Variants in SNX15 observed in about 807,000 individuals in gnomAD.
The protein encoded by SNX15 is sorting nexin-15.
SNX15 carries 29 observed loss-of-function variants against 35.2 expected under a neutral mutation model. That is an observed-to-expected ratio of 0.82 (90% CI 0.61 to 1.12). The LOEUF (loss-of-function observed/expected upper bound fraction) is 1.12. SNX15 is among the 50% of genes most tolerant of loss of function. The pLI is 0.00. For missense variants in SNX15, 400 were observed against 451.5 expected (o/e 0.89, Z 1.03); for synonymous variants, 189 against 188.2 (o/e 1.00, Z -0.03).
intron 7 of SNX15, 52 bp from the exon 8 acceptor site, chr11:65,039,634 T>TG: frequency 8.0e-7 from 1 of 1,247,486 alleles, no homozygotes; most frequent in Non-Finnish European, 1.2e-6. Context: ...CCAGGGGTTC[T>TG]GACCAGGCCA....
At chr11:65,038,170 ATTCTAAGATTAT>A (rs371443823) in intron 6 of SNX15, 1 of 674,378 alleles carries the variant, frequency 1.5e-6, no homozygotes, top group African/African-American at 1.9e-5. Context: ...TAAGTCTCCT[ATTCTAAGATTAT>A]TCCAAGTCTT....
Position 65,039,898 on chromosome 11 carries a change from T to C in SNX15, c.*106T>C. On this transcript the variant is annotated 3_prime_UTR_variant, in exon 8 of 8. Coordinates refer to ENST00000377244, the MANE Select transcript of SNX15 (RefSeq NM_013306.5). ...CTGGTCTTGTAATTACAGGAGCCAT[T>C]TCTGTAGGTAACTGGACCAAGAATG... 1.5e-6 allele frequency: 1 copy of C among 669,316 alleles called. No homozygotes were observed. Among genetic ancestry groups the C allele is most frequent in the Non-Finnish European group, 2.6e-6 (1 of 381,252 alleles). 41.5% of individuals were successfully genotyped at this position (669,316 alleles called of 1,614,324 possible). A position where few individuals can be genotyped will look rare whatever the true frequency, so the allele number is the denominator to read the frequency against.
At chr11:65,035,737 T>C (rs1946495105) in intron 6 of SNX15, 74 bp downstream of exon 6, 1 of 1,478,488 alleles carries the variant, frequency 6.8e-7, no homozygotes, top group Non-Finnish European at 9.1e-7. Flanking sequence ...AGAGCCCCAC[T>C]AGCCTGCTCA....
At chr11:65,033,723 GAC>G (rs1946467592) in intron 3 of SNX15, among the ~76,000 whole-genome samples, 1 of 151,672 alleles carries the variant, frequency 6.6e-6, no homozygotes, top group Non-Finnish European at 1.5e-5. Context: ...TGTTTTTTGA[GAC>G]AGAGTCTCAC....
intron 1 of SNX15, among the ~76,000 whole-genome samples, chr11:65,031,747 T>C (rs1439144674): frequency 1.3e-5 from 2 of 152,178 alleles, no homozygotes; most frequent in African/African-American, 4.8e-5. Context: ...CTACTAAAAA[T>C]ACAAACATTA....
intron 1 of SNX15, among the ~76,000 whole-genome samples, chr11:65,028,263 G>A (rs1946397463): frequency 6.6e-6 from 1 of 152,184 alleles, no homozygotes; most frequent in South Asian, 2.1e-4. Context: ...CAGGACACCT[G>A]TAGAATGATA....
rs1946385664 is a variant in SNX15, at chr11:65,027,552, G to A, written c.15G>A (p.Ala5=). MSRQ[A]KDDFLRHYTV... is the part of the protein sequence containing the mutation. ...AGCTCGGTTTCATGTCCCGCCAGGC[G>A]AAGGATGACTTCCTGCGGCACTACA... The change falls in exon 1 of 8, where the codon GCG becomes GCA. Residue 5 remains alanine, a synonymous_variant. Coordinates refer to ENST00000377244, the MANE Select transcript of SNX15 (RefSeq NM_013306.5). The A allele has an allele frequency of 1.2e-6, 2 of 1,613,966 alleles. No homozygotes were observed. Among genetic ancestry groups the A allele is most frequent in the East Asian group, 2.2e-5 (1 of 44,886 alleles).
chr11:65,031,269 C>T (rs1946436798), intron 1 of SNX15, among the ~76,000 whole-genome samples: 1 of 152,210 alleles, frequency 6.6e-6, no homozygotes, highest in Admixed American at 6.5e-5. Flanking sequence ...AGTGCTCTGC[C>T]CACCTGGGCC....
intron 6 of SNX15, chr11:65,035,911 A>C: frequency 5.0e-6 from 2 of 398,028 alleles, no homozygotes. Context: ...GGCACTTCCC[A>C]TGTTGGGGCC....
Position 65,040,195 on chromosome 11 carries a change from G to T in SNX15, c.*403G>T, listed in dbSNP as rs549474647. 1.2e-3 allele frequency: 204 copies of T among 169,688 alleles called. No homozygotes were observed. Among genetic ancestry groups the T allele is most frequent in the Non-Finnish European group, 2.2e-3 (167 of 77,432 alleles). 10.5% of individuals were successfully genotyped at this position (169,688 alleles called of 1,614,324 possible). ...ATTTTGTATTTTCAGTAGGGACGGG[G>T]TTACACCATGTTGGCCAGGCTGGTC... On this transcript the variant is annotated 3_prime_UTR_variant, in exon 8 of 8. Coordinates refer to ENST00000377244, the MANE Select transcript of SNX15 (RefSeq NM_013306.5).
chr11:65,039,645 G>T, intron 7 of SNX15, 41 bp from the exon 8 acceptor site: 1 of 1,387,306 alleles, frequency 7.2e-7, no homozygotes, highest in Non-Finnish European at 1.0e-6. Context: ...GACCAGGCCA[G>T]TGGTGCCCAG....
rs1946492068 is a variant in SNX15 at position 65,035,557 on chromosome 11, G to A, written c.558G>A (p.Leu186=). Residue 186 remains leucine, a synonymous_variant, in exon 6 of 8, where the codon CTG becomes CTA. Transcript: ENST00000377244. The part of the protein sequence containing the change: ...PPPSSPAQEA[L]DLLFNCESTE... Reference sequence around the variant, plus strand: ...CATCCAGCCCTGCCCAGGAGGCCCTGGATCTCCTCTTTAACTGTGAGAGCA... The same window carrying A: ...CATCCAGCCCTGCCCAGGAGGCCCTAGATCTCCTCTTTAACTGTGAGAGCA... The A allele has an allele frequency of 6.2e-7, 1 of 1,613,636 alleles. No homozygotes were observed. The highest frequency in any genetic ancestry group is 8.5e-7 in the Non-Finnish European group (1 of 1,179,750).
At chr11:65,034,363 G>A (rs1946475232) in intron 3 of SNX15, among the ~76,000 whole-genome samples, 1 of 152,216 alleles carries the variant, frequency 6.6e-6, no homozygotes, top group Non-Finnish European at 1.5e-5. Flanking sequence ...AGAGGTTGCA[G>A]TGAGCTGAGA....
chr11:65,027,731 AGAC>A (rs1946389816), intron 1 of SNX15, 95 bp downstream of exon 1: 2 of 903,002 alleles, frequency 2.2e-6, no homozygotes, highest in Non-Finnish European at 3.6e-6. Flanking sequence ...CTCCCTTTTT[AGAC>A]GACAGAAATG....
rs1312275074 is a variant in SNX15, at chr11:65,040,075, C to T, written c.*283C>T. ...GGAGTGCAGTGGTGGGATCGCGGCT[C>T]ACTGCAACCTCCACCTCCCAGGTTC... On this transcript the variant is annotated 3_prime_UTR_variant, in exon 8 of 8. Coordinates refer to ENST00000377244, the MANE Select transcript of SNX15 (RefSeq NM_013306.5). The T allele has an allele frequency of 1.3e-5, 4 of 302,200 alleles. No individual in the cohort carries two copies. Among genetic ancestry groups the T allele is most frequent in the African/African-American group, 4.3e-5 (2 of 46,658 alleles). The allele number at this position is 302,200 out of a possible 1,614,324, so 18.7% of individuals were successfully genotyped here. A position where few individuals can be genotyped will look rare whatever the true frequency, so the allele number is the denominator to read the frequency against.
At chr11:65,032,617 C>T in intron 3 of SNX15, 66 bp downstream of exon 3, 2 of 1,596,032 alleles carry the variant, frequency 1.3e-6, no homozygotes, top group Non-Finnish European at 1.7e-6. Flanking sequence ...GGGACCTCCG[C>T]CAGTGGGGGC....
intron 2 of SNX15, 32 bp from the exon 3 acceptor site, chr11:65,032,399 C>T (rs1242552984): frequency 6.2e-7 from 1 of 1,613,984 alleles, no homozygotes; most frequent in South Asian, 1.1e-5. Context: ...CCCACCATTG[C>T]TGGTTCTGGG....
intron 1 of SNX15, 137 bp downstream of exon 1, chr11:65,027,773 A>T: frequency 3.0e-6 from 2 of 665,032 alleles, no homozygotes; most frequent in Admixed American, 2.6e-5. Flanking sequence ...AGGTTGCAGT[A>T]CGAGGCTTAG....
At chr11:65,032,357 TG>T in intron 2 of SNX15, 73 bp from the exon 3 acceptor site, 1 of 1,609,222 alleles carries the variant, frequency 6.2e-7, no homozygotes, top group Non-Finnish European at 8.5e-7. Flanking sequence ...TCACGCCCCC[TG>T]GGGGCAGGCT....
Sources: gnomAD v4.1 joint callset for allele counts (sites outside exome capture counted in the v4.1 genomes callset) on GRCh38, gnomAD v4.1.1 for gene constraint, MANE v1.5 for transcripts, NCBI Gene and HGNC (gene_info 2026-07-23, HGNC 2026-07-21) for gene names.